HIVEP2: variants seen among roughly 807,000 people sequenced by gnomAD.
HIVEP2 encodes transcription factor HIVEP2.
A neutral mutation model predicts 180.7 loss-of-function variants in HIVEP2; 14 were observed. That is an observed-to-expected ratio of 0.08 (90% CI 0.05 to 0.12). HIVEP2 has a LOEUF of 0.12. HIVEP2 is among the 10% of genes least tolerant of loss of function. The probability of loss-of-function intolerance (pLI) is 1.00; values close to 1 mark genes in which losing one functional copy is unlikely to be tolerated. For synonymous variants in HIVEP2, 1,184 were observed against 1,136.4 expected (o/e 1.04, Z -0.84); for missense variants, 2,579 against 3,008.5 (o/e 0.86, Z 3.34).
chr6:142,804,074 T>C (rs1257396071), intron 2 of HIVEP2, among the ~76,000 whole-genome samples: 1 of 152,204 alleles, frequency 6.6e-6, no homozygotes, highest in Non-Finnish European at 1.5e-5. Context: ...CAAACTCTAG[T>C]ACAAACTTTA....
chr6:142,784,337 T>C (rs1419660558), intron 2 of HIVEP2, among the ~76,000 whole-genome samples: 3 of 152,300 alleles, frequency 2.0e-5, no homozygotes, highest in Admixed American at 2.0e-4. Flanking sequence ...TCCTGACAAG[T>C]TATTACAAAA....
intron 1 of HIVEP2, among the ~76,000 whole-genome samples, chr6:142,872,843 T>C (rs1776327085): frequency 6.6e-6 from 1 of 152,170 alleles, no homozygotes; most frequent in Non-Finnish European, 1.5e-5. Flanking sequence ...TTACAATTCA[T>C]AAATTTCCCA....
chr6:142,774,304 G>C lies in HIVEP2; in HGVS notation c.435C>G (p.Gly145=), dbSNP rs368417356. ...TTTTTCTAGGATAACCACCACTGTG[G>C]CCATGTATAGGAAAAGGAAATAAGT... is the stretch of plus-strand genomic sequence containing the variant. The part of the protein sequence containing the change: ...SEDLFPFPIH[G]HSGGYPRKKI... Residue 145 remains glycine (G), a synonymous_variant, in exon 5 of 10, where the codon GGC becomes GGG. Coordinates refer to ENST00000367603, the MANE Select transcript of HIVEP2 (RefSeq NM_006734.4). The surrounding 1 kb of genome is among the most constrained non-coding windows in gnomAD (Gnocchi z 5.1). The C allele has an allele frequency of 6.2e-6, 10 of 1,614,068 alleles. No individual in the cohort carries two copies. Among genetic ancestry groups the C allele is most frequent in the Admixed American group, 5.0e-5 (3 of 60,008 alleles).
intron 1 of HIVEP2, among the ~76,000 whole-genome samples, chr6:142,844,166 T>C (rs1437178427): frequency 3.3e-5 from 5 of 151,924 alleles, no homozygotes; most frequent in African/African-American, 1.2e-4. Context: ...ACCTTATGTG[T>C]TTTTTTTAAT....
chr6:142,751,570 C>T lies in HIVEP2; in HGVS notation c.*1537G>A, dbSNP rs1055126280. 1.3e-5 allele frequency: 2 copies of T among 152,674 alleles called. No homozygotes were observed. The highest frequency in any genetic ancestry group is 2.9e-5 in the Non-Finnish European group (2 of 68,040). The allele number at this position is 152,674 out of a possible 1,614,324, so 9.5% of individuals were successfully genotyped here. A position where few individuals can be genotyped will look rare whatever the true frequency, so the allele number is the denominator to read the frequency against. On this transcript the variant is annotated 3_prime_UTR_variant, in exon 10 of 10. Transcript: ENST00000367603. ...CAGAATTATAATCCACTATATAGCA[C>T]AAAGATAACCCAGATTGTATGTGTG...
intron 1 of HIVEP2, among the ~76,000 whole-genome samples, chr6:142,892,727 A>G (rs1460033431): frequency 6.6e-6 from 1 of 152,214 alleles, no homozygotes; most frequent in Non-Finnish European, 1.5e-5. Context: ...TGAATAACAC[A>G]CAATTCTGTT....
At chr6:142,930,030 C>A (rs1270784474) in intron 1 of HIVEP2, among the ~76,000 whole-genome samples, 3 of 152,054 alleles carry the variant, frequency 2.0e-5, no homozygotes, top group African/African-American at 7.2e-5. Context: ...GAGCTTTCAC[C>A]AGTCATTTGT....
intron 6 of HIVEP2, among the ~76,000 whole-genome samples, chr6:142,766,187 T>C (rs1775376061): frequency 6.6e-6 from 1 of 152,230 alleles, no homozygotes; most frequent in African/African-American, 2.4e-5. Flanking sequence ...TCCACATATT[T>C]AAACAGCAAC....
chr6:142,859,534 A>C (rs1161117963), intron 1 of HIVEP2, among the ~76,000 whole-genome samples: 1 of 151,812 alleles, frequency 6.6e-6, no homozygotes, highest in Non-Finnish European at 1.5e-5. Flanking sequence ...AGAAATAAAA[A>C]CTTAAAACGA....
At chr6:142,865,336 A>T (rs1776111438) in intron 1 of HIVEP2, among the ~76,000 whole-genome samples, 2 of 152,244 alleles carry the variant, frequency 1.3e-5, no homozygotes, top group South Asian at 4.1e-4. Context: ...TTTTAAGAAA[A>T]TGCTGAGTGA....
chr6:142,859,834 C>CAAAAAAAAAAAAAAAAAAAAAAGAAAAA (rs56853043), intron 1 of HIVEP2, among the ~76,000 whole-genome samples: 1 of 73,612 alleles, frequency 1.4e-5, no homozygotes, highest in African/African-American at 5.1e-5. Flanking sequence ...AACTCCGTCT[C>CAAAAAAAAAAAAAAAAAAAAAAGAAAAA]AAAAAAAAAA....
chr6:142,876,716 T>C (rs1384132590), intron 1 of HIVEP2, among the ~76,000 whole-genome samples: 1 of 152,210 alleles, frequency 6.6e-6, no homozygotes, highest in African/African-American at 2.4e-5. Context: ...TGTCACACAA[T>C]GCCTGTATTT....
chr6:142,811,791 A>G (rs1239598034), intron 2 of HIVEP2, among the ~76,000 whole-genome samples: 1 of 152,220 alleles, frequency 6.6e-6, no homozygotes, highest in African/African-American at 2.4e-5. Context: ...TAATTCTTCA[A>G]ACTAACGGAT....
chr6:142,932,578 C>T lies in HIVEP2; in HGVS notation c.-641+12521G>A, dbSNP rs115562211. Among the ~76,000 whole-genome samples, 1,091 of 152,172 alleles carry T rather than the reference C, an allele frequency of 7.2e-3. 12 individuals are homozygous for T. Among genetic ancestry groups the T allele is most frequent in the African/African-American group, 0.024 (1,015 of 41,524 alleles). On this transcript the variant is annotated intron_variant, in intron 1 of 9. Transcript: ENST00000367603. ...ATCCTATGAGGTCTAGTTGAAAGAA[C>T]TGGGAATATTTAGCCTGGAGAAAAG...
chr6:142,901,732 G>A (rs1283381579), intron 1 of HIVEP2, among the ~76,000 whole-genome samples: 1 of 152,038 alleles, frequency 6.6e-6, no homozygotes, highest in Admixed American at 6.6e-5. Flanking sequence ...AGGTAAATTC[G>A]CCAATCTGCC....
rs1775196435 is a variant in HIVEP2 at position 142,760,391 on chromosome 6, G to C, written c.5897C>G (p.Ser1966Cys). The C allele has an allele frequency of 6.2e-7, 1 of 1,614,084 alleles. No individual in the cohort carries two copies. Among genetic ancestry groups the C allele is most frequent in the African/African-American group, 1.3e-5 (1 of 74,934 alleles). The change falls in exon 9 of 10, where the codon TCT (serine) becomes TGT (cysteine). Residue 1966 changes from serine to cysteine, a missense_variant. This residue lies in a region of HIVEP2 where 660 missense variants were observed against 731.7 expected (regional missense o/e 0.90). Transcript: ENST00000367603. ...GVPSDSSLGH[S>C]SLISYLVTLP... The stretch of plus-strand genomic sequence containing the variant: ...AGTAACCAAATAGCTGATCAACGAA[G>C]AATGTCCCAGGGAACTATCTGAAGG...
chr6:142,913,680 C>T (rs1214085079), intron 1 of HIVEP2, among the ~76,000 whole-genome samples: 5 of 152,196 alleles, frequency 3.3e-5, no homozygotes, highest in East Asian at 3.8e-4. Context: ...AGAGCACAGT[C>T]GACTGCAGGG....
intron 1 of HIVEP2, among the ~76,000 whole-genome samples, chr6:142,896,330 C>T (rs538357416): frequency 2.6e-5 from 4 of 152,210 alleles, no homozygotes; most frequent in African/African-American, 9.6e-5. Flanking sequence ...CTGAATTCCA[C>T]TGTGAACCAC....
chr6:142,758,498 C>A (rs542314196), intron 9 of HIVEP2, among the ~76,000 whole-genome samples: 2 of 152,308 alleles, frequency 1.3e-5, no homozygotes, highest in African/African-American at 4.8e-5. Context: ...GGTGCTGATG[C>A]ACTTGACACA....
Sources: gnomAD v4.1 joint callset for allele counts (sites outside exome capture counted in the v4.1 genomes callset) on GRCh38, gnomAD v4.1.1 for gene constraint, gnomAD v4.1.1 regional missense constraint, Gnocchi (gnomAD v3.1) non-coding constraint, MANE v1.5 for transcripts, NCBI Gene and HGNC (gene_info 2026-07-23, HGNC 2026-07-21) for gene names.